The following RSPO2 variants were observed in gnomAD, a reference collection of about 807,000 sequenced individuals.
RSPO2 encodes the protein R-spondin-2.
A neutral mutation model predicts 30.9 loss-of-function variants in RSPO2; 14 were observed. The observed-to-expected ratio is 0.45, with a 90% CI of 0.30 to 0.71. The LOEUF (loss-of-function observed/expected upper bound fraction) is 0.71. Ranked by LOEUF, RSPO2 falls within the 30% of genes least tolerant of loss-of-function variation. RSPO2 has a pLI of 0.08. For synonymous variants in RSPO2, 107 were observed against 96.4 expected (o/e 1.11, Z -0.64); for missense variants, 264 against 301.9 (o/e 0.87, Z 0.93).
chr8:108,081,742 T>G, intron 2 of RSPO2: 1 of 201,020 alleles, frequency 5.0e-6, no homozygotes, highest in Non-Finnish European at 8.8e-6. Context: ...GCACAAGTGA[T>G]GGAGAGGGAG....
chr8:108,003,568 G>A (rs528001436), intron 2 of RSPO2, among the ~76,000 whole-genome samples: 4 of 151,534 alleles, frequency 2.6e-5, no homozygotes, highest in East Asian at 1.9e-4. Context: ...ACCTTAGACC[G>A]ACCCAATTTG....
chr8:107,955,105 A>G (rs1813379599), intron 5 of RSPO2, among the ~76,000 whole-genome samples: 1 of 152,172 alleles, frequency 6.6e-6, no homozygotes. Context: ...TGGCAAATGC[A>G]GGGGGCAGCT....
At chr8:108,053,651 A>G (rs1254997242) in intron 2 of RSPO2, among the ~76,000 whole-genome samples, 1 of 152,208 alleles carries the variant, frequency 6.6e-6, no homozygotes, top group African/African-American at 2.4e-5. Flanking sequence ...AATATTTTCT[A>G]GTTATAGGCA....
In RSPO2 at chr8:107,952,858, G is replaced by A. The variant is rs932934845; in HGVS notation, c.616+5222C>T. ...AAAAGTAGATTTTTGCAGAGATCAA[G>A]GTTCTAAGTAGCTAATACTTTCTTT... On this transcript the variant is annotated intron_variant, in intron 5 of 5. Transcript: ENST00000276659. Among the ~76,000 whole-genome samples the A allele has an allele frequency of 2.0e-5, 3 of 152,070 alleles. No individual in the cohort carries two copies. In the East Asian group the frequency reaches 5.8e-4, roughly 29 times the overall value.
At chr8:108,073,201 G>A (rs1219061402) in intron 2 of RSPO2, 1 of 152,204 alleles carries the variant, frequency 6.6e-6, no homozygotes, top group Non-Finnish European at 1.5e-5. Context: ...TTCTCTCTGT[G>A]ATGACATCAA....
chr8:108,001,215 G>A (rs1586616411), intron 2 of RSPO2, among the ~76,000 whole-genome samples: 1 of 151,934 alleles, frequency 6.6e-6, no homozygotes, highest in African/African-American at 2.4e-5. Context: ...AAATTCTCCA[G>A]GGAACATTTC....
chr8:107,948,489 C>G (rs960619809), intron 5 of RSPO2, among the ~76,000 whole-genome samples: 3 of 152,150 alleles, frequency 2.0e-5, no homozygotes, highest in Non-Finnish European at 4.4e-5. Flanking sequence ...TAATCAAAGG[C>G]CAGCCTTGGA....
chr8:108,056,623 C>CAAAAAAAAAAAAAAA (rs56256415), intron 2 of RSPO2, among the ~76,000 whole-genome samples: 6 of 71,840 alleles, frequency 8.4e-5, no homozygotes, highest in African/African-American at 1.9e-4. Flanking sequence ...AGACCCGTCT[C>CAAAAAAAAAAAAAAA]AAAAAAAAAA....
At chr8:108,026,621 C>A in intron 2 of RSPO2, among the ~76,000 whole-genome samples, 1 of 152,236 alleles carries the variant, frequency 6.6e-6, no homozygotes, top group East Asian at 1.9e-4. Flanking sequence ...AATCCCAGCA[C>A]TTTGGGAGGC....
At position 107,923,756 on chromosome 8, in the gene RSPO2, A is replaced by C. The variant is rs1329069223; in HGVS notation, c.617-22566T>G. On this transcript the variant is annotated intron_variant, in intron 5 of 5. Transcript: ENST00000276659. Reference sequence around the variant, plus strand: ...TGCAGCCATAAAAAAGAACAAGAGCATGTCCTTTGCAAGAACAAGAGCATG... The same window carrying C: ...TGCAGCCATAAAAAAGAACAAGAGCCTGTCCTTTGCAAGAACAAGAGCATG... 5.9e-4 allele frequency among the ~76,000 whole-genome samples: 70 copies of C among 118,268 alleles called. 1 individual carries two copies. Among genetic ancestry groups the C allele is most frequent in the Admixed American group, 5.8e-3 (68 of 11,742 alleles). 77.6% of individuals were successfully genotyped at this position (118,268 alleles called of 152,430 possible).
chr8:107,919,294 G>T (rs1015488288), intron 5 of RSPO2, among the ~76,000 whole-genome samples: 1 of 152,136 alleles, frequency 6.6e-6, no homozygotes, highest in African/African-American at 2.4e-5. Flanking sequence ...TTATAACTGA[G>T]ATAGTGAAAG....
intron 4 of RSPO2, among the ~76,000 whole-genome samples, chr8:107,960,279 C>G (rs1384062938): frequency 6.6e-6 from 1 of 151,582 alleles, no homozygotes; most frequent in African/African-American, 2.4e-5. Context: ...AACAGCTAAG[C>G]AAGCAGTTCT....
intron 3 of RSPO2, among the ~76,000 whole-genome samples, chr8:107,973,548 ACACAC>A (rs1814091147): frequency 6.6e-6 from 1 of 151,768 alleles, no homozygotes; most frequent in Non-Finnish European, 1.5e-5. Flanking sequence ...ACACACACAC[ACACAC>A]ACACACACAG....
intron 5 of RSPO2, among the ~76,000 whole-genome samples, chr8:107,952,712 C>G (rs1294086539): frequency 6.6e-6 from 1 of 152,164 alleles, no homozygotes; most frequent in Non-Finnish European, 1.5e-5. Flanking sequence ...TGGGGTTAAT[C>G]TATCACAATC....
At chr8:108,003,271 GTGTGTGTATATATATA>G (rs1815314417) in intron 2 of RSPO2, among the ~76,000 whole-genome samples, 29 of 73,662 alleles carry the variant, frequency 3.9e-4, no homozygotes, top group African/African-American at 1.5e-3. Context: ...GTGTGTGTGT[GTGTGTGTATATATATA>G]TATATATATA....
chr8:108,040,177 A>C (rs1438395761), intron 2 of RSPO2, among the ~76,000 whole-genome samples: 2 of 152,160 alleles, frequency 1.3e-5, no homozygotes, highest in Non-Finnish European at 2.9e-5. Flanking sequence ...ACCCATTTCT[A>C]GAAGGCTCTG....
chr8:107,983,022 A>G (rs1318572105), intron 3 of RSPO2: 15 of 849,790 alleles, frequency 1.8e-5, no homozygotes, highest in Non-Finnish European at 2.6e-5. Flanking sequence ...GAGGGGCCAC[A>G]GTCTCTGCGG....
At chr8:107,912,718 A>C (rs1445675692) in intron 5 of RSPO2, among the ~76,000 whole-genome samples, 1 of 152,216 alleles carries the variant, frequency 6.6e-6, no homozygotes, top group Non-Finnish European at 1.5e-5. Context: ...TGCCTAACTA[A>C]GGGATGCAGA....
chr8:107,913,288 C>T (rs903607498), intron 5 of RSPO2, among the ~76,000 whole-genome samples: 5 of 152,088 alleles, frequency 3.3e-5, no homozygotes, highest in African/African-American at 1.2e-4. Context: ...TACTCTCTTC[C>T]CTTCTGTCAT....
Sources: allele counts gnomAD v4.1 joint callset (sites outside exome capture counted in the v4.1 genomes callset), GRCh38; gene constraint gnomAD v4.1.1; transcripts MANE v1.5; gene names NCBI Gene and HGNC (gene_info 2026-07-23, HGNC 2026-07-21).